The following OCIAD1 variants were observed in gnomAD, a reference collection of about 807,000 sequenced individuals.
OCIAD1 encodes the protein OCIA domain containing 1.
OCIAD1 carries 29 observed loss-of-function variants against 38.9 expected under a neutral mutation model. That is an observed-to-expected ratio of 0.74 (90% CI 0.55 to 1.02). The LOEUF (loss-of-function observed/expected upper bound fraction) is 1.02. Among genes scored for constraint, OCIAD1 ranks in the 50% least tolerant of loss-of-function variants. OCIAD1 has a pLI of 0.00. For synonymous variants in OCIAD1, 110 were observed against 92.0 expected, an observed-to-expected ratio of 1.20 and a Z score of -1.12; for missense variants, 288 against 289.6, an observed-to-expected ratio of 0.99 and a Z score of 0.04.
chr4:48,827,739 A>G (rs4362793), upstream of OCIAD1, among the ~76,000 whole-genome samples: 107 of 152,370 alleles, frequency 7.0e-4, 1 homozygote, highest in African/African-American at 2.4e-3. Context: ...CAGAAAATAG[A>G]CTTATCAATC....
At chr4:48,832,046 G>C (rs968035323) in intron 1 of OCIAD1, among the ~76,000 whole-genome samples, 22 of 152,092 alleles carry the variant, frequency 1.4e-4, no homozygotes, top group African/African-American at 5.1e-4. Context: ...TATATTCTTG[G>C]GGTGGAAGGA....
At chr4:48,816,489 C>G (rs1189759497) in intron 1 of OCIAD1, among the ~76,000 whole-genome samples, 2 of 148,888 alleles carry the variant, frequency 1.3e-5, no homozygotes, top group African/African-American at 2.5e-5. Context: ...TCTGAGATCA[C>G]GCCACTGCAC....
intron 1 of OCIAD1, among the ~76,000 whole-genome samples, chr4:48,808,731 T>G (rs925794137): frequency 6.6e-6 from 1 of 152,158 alleles, no homozygotes; most frequent in Admixed American, 6.5e-5. Context: ...TGATATAAAT[T>G]TCTGTTTTTG....
chr4:48,808,120 A>G (rs1018306575), intron 1 of OCIAD1, among the ~76,000 whole-genome samples: 3 of 152,190 alleles, frequency 2.0e-5, no homozygotes, highest in African/African-American at 7.2e-5. Context: ...GTATTCTGCT[A>G]TGTTTTGTGT....
intron 6 of OCIAD1, 146 bp downstream of exon 6, chr4:48,850,228 A>T: frequency 2.6e-6 from 2 of 777,514 alleles, no homozygotes; most frequent in Non-Finnish European, 4.2e-6. Context: ...TGCTTCAAAA[A>T]TTGGAGCAAG....
intron 8 of OCIAD1, among the ~76,000 whole-genome samples, chr4:48,858,701 C>T (rs1265394380): frequency 6.6e-6 from 1 of 152,166 alleles, no homozygotes; most frequent in Non-Finnish European, 1.5e-5. Context: ...CCAGTCCTTT[C>T]ACCTTGGCCT....
chr4:48,842,290 A>G (rs893203385), intron 3 of OCIAD1, among the ~76,000 whole-genome samples: 1 of 152,210 alleles, frequency 6.6e-6, no homozygotes. Context: ...CCTCTCCTTC[A>G]TTAACTTTTT....
rs1304519459 is a variant in OCIAD1 at position 48,831,240 on chromosome 4, T to A, written c.-15T>A. 5.8e-6 allele frequency: 2 copies of A among 342,158 alleles called. No homozygotes were observed. The highest frequency in any genetic ancestry group is 5.8e-6 in the Non-Finnish European group (1 of 171,400). 21.2% of individuals were successfully genotyped at this position (342,158 alleles called of 1,614,324 possible). ...TTTTCCTTGCAGTCGCCTGCTGCTG[T>A]CGTCGGGAGGTGGGTGAGGTGACGC... On this transcript the variant is annotated 5_prime_UTR_variant, in exon 1 of 9. Coordinates refer to ENST00000264312, the MANE Select transcript of OCIAD1 (RefSeq NM_017830.4).
At chr4:48,810,394 G>T (rs181383232) in intron 1 of OCIAD1, among the ~76,000 whole-genome samples, 2 of 150,982 alleles carry the variant, frequency 1.3e-5, no homozygotes, top group Admixed American at 1.3e-4. Flanking sequence ...GCGTGAACCC[G>T]GGAGGTGGAG....
chr4:48,843,595 A>G (rs1416186318), intron 4 of OCIAD1, among the ~76,000 whole-genome samples: 2 of 152,238 alleles, frequency 1.3e-5, no homozygotes, highest in African/African-American at 4.8e-5. Flanking sequence ...GAACTTCATT[A>G]CAATACAGTA....
At chr4:48,835,162 G>T (rs1244312842) in intron 3 of OCIAD1, among the ~76,000 whole-genome samples, 1 of 152,136 alleles carries the variant, frequency 6.6e-6, no homozygotes, top group Non-Finnish European at 1.5e-5. Context: ...TCGAACTCCT[G>T]ACCTCAGTTG....
chr4:48,818,389 AG>A (rs1379105573), intron 1 of OCIAD1, among the ~76,000 whole-genome samples: 1 of 152,184 alleles, frequency 6.6e-6, no homozygotes, highest in Middle Eastern at 3.2e-3. Flanking sequence ...ATCAGCATAA[AG>A]GACCCCCACG....
chr4:48,855,169 C>T (rs923785265), intron 7 of OCIAD1, among the ~76,000 whole-genome samples: 4 of 152,274 alleles, frequency 2.6e-5, no homozygotes, highest in African/African-American at 9.6e-5. Flanking sequence ...CCATATTTCG[C>T]AATTGAGAAA....
intron 1 of OCIAD1, among the ~76,000 whole-genome samples, chr4:48,813,403 C>T (rs1777110139): frequency 6.6e-6 from 1 of 152,212 alleles, no homozygotes; most frequent in Non-Finnish European, 1.5e-5. Context: ...CCTGTAATCC[C>T]AGCTCCTTGG....
intron 1 of OCIAD1, among the ~76,000 whole-genome samples, chr4:48,807,364 G>A (rs1349788244): frequency 6.6e-6 from 1 of 151,810 alleles, no homozygotes. Flanking sequence ...CTAGAGCATG[G>A]ACTAGATCTA....
At chr4:48,812,888 A>T (rs1777105124) in intron 1 of OCIAD1, among the ~76,000 whole-genome samples, 2 of 152,226 alleles carry the variant, frequency 1.3e-5, no homozygotes, top group African/African-American at 4.8e-5. Context: ...AAGAGAAACC[A>T]AGGATGGGAG....
At chr4:48,856,103 C>T (rs1419346639) in intron 7 of OCIAD1, 2 of 151,040 alleles carry the variant, frequency 1.3e-5, no homozygotes, top group Non-Finnish European at 2.9e-5. Context: ...TTCATATGGC[C>T]TTTTTTGCTG....
chr4:48,856,476 GC>G (rs1219133122), intron 7 of OCIAD1: 1 of 152,328 alleles, frequency 6.6e-6, no homozygotes, highest in Non-Finnish European at 1.5e-5. Context: ...TGCAACCTCC[GC>G]CTCCTGGGTT....
At position 48,857,352 on chromosome 4, in the gene OCIAD1, G is replaced by A; in HGVS notation, c.687G>A (p.Val229=). The change falls in exon 8 of 9, where the codon GTG becomes GTA. Residue 229 remains valine, a synonymous_variant. Coordinates refer to ENST00000264312, the MANE Select transcript of OCIAD1 (RefSeq NM_017830.4). Reference sequence around the variant, plus strand: ...CAGTCAGGCCTATGCATGAAAGAGTGCCAAAAAAAGAAGGTATGATAGTTT... The same window carrying A: ...CAGTCAGGCCTATGCATGAAAGAGTACCAAAAAAAGAAGGTATGATAGTTT... ...DPSVRPMHER[V]PKKEVKVNKY... 1 of 1,545,968 alleles carries A rather than the reference G, an allele frequency of 6.5e-7. No individual in the cohort carries two copies. Among genetic ancestry groups the A allele is most frequent in the Non-Finnish European group, 8.7e-7 (1 of 1,150,532 alleles).
Sources: allele counts gnomAD v4.1 joint callset (sites outside exome capture counted in the v4.1 genomes callset), GRCh38; gene constraint gnomAD v4.1.1; transcripts MANE v1.5; gene names NCBI Gene and HGNC (gene_info 2026-07-23, HGNC 2026-07-21).